The following CTCF variants were observed in gnomAD, a reference collection of about 807,000 sequenced individuals.
The protein encoded by CTCF is CCCTC-binding factor.
In CTCF, 7 loss-of-function variants were observed where a neutral mutation model predicts 72.3. The ratio of observed to expected loss-of-function variants is 0.10; its 90% CI spans 0.06 to 0.18. The LOEUF is 0.18. Among genes scored for constraint, CTCF ranks in the 10% least tolerant of loss-of-function variants. The pLI, the probability that CTCF is intolerant of heterozygous loss-of-function variation, is 1.00. For missense variants in CTCF, 516 were observed against 949.1 expected, an observed-to-expected ratio of 0.54 and a Z score of 6.00; for synonymous variants, 374 against 315.8, an observed-to-expected ratio of 1.18 and a Z score of -1.95.
chr16:67,638,542 G>T lies in CTCF; in HGVS notation c.*670G>T. ...AAATTAAGTTACCACAGACTCTGTA[G>T]TGTGTAAATGTTGACAAGGAATTGG... On this transcript the variant is annotated 3_prime_UTR_variant, in exon 12 of 12. Coordinates refer to ENST00000264010, the MANE Select transcript of CTCF (RefSeq NM_006565.4). 1 of 230,050 alleles carries T rather than the reference G, an allele frequency of 4.3e-6. No homozygotes were observed. The highest frequency in any genetic ancestry group is 8.6e-6 in the Non-Finnish European group (1 of 115,662). 14.3% of individuals were successfully genotyped at this position (230,050 alleles called of 1,614,324 possible).
intron 11 of CTCF, 143 bp downstream of exon 11, chr16:67,636,994 G>T (rs753433494): frequency 1.3e-4 from 93 of 715,174 alleles, no homozygotes; most frequent in Non-Finnish European, 1.6e-4. Context: ...CTCAGGAAAT[G>T]GCTTTTTAGG....
At chr16:67,616,989 G>A in intron 5 of CTCF, 111 bp downstream of exon 5, 7 of 1,090,406 alleles carry the variant, frequency 6.4e-6, no homozygotes, top group Non-Finnish European at 9.6e-6. Context: ...AAAAATGTTA[G>A]TAAATTATTA....
chr16:67,572,308 G>A (rs1045081958), intron 2 of CTCF, among the ~76,000 whole-genome samples: 1 of 152,178 alleles, frequency 6.6e-6, no homozygotes, highest in African/African-American at 2.4e-5. Flanking sequence ...GGTTCTTTTA[G>A]GAGTGTTGAC....
chr16:67,621,716 CACTT>C (rs2052201122), intron 7 of CTCF, 125 bp downstream of exon 7: 2 of 508,516 alleles, frequency 3.9e-6, no homozygotes, highest in Non-Finnish European at 6.6e-6. Context: ...AATGGCCTGT[CACTT>C]AGTTTAGTAA....
At chr16:67,611,728 G>C in intron 3 of CTCF, 115 bp downstream of exon 3, 1 of 1,106,338 alleles carries the variant, frequency 9.0e-7, no homozygotes, top group Non-Finnish European at 1.3e-6. Flanking sequence ...CGTTATGTGG[G>C]TACCGTTCTT....
At chr16:67,598,631 T>C (rs1391294634) in intron 2 of CTCF, among the ~76,000 whole-genome samples, 1 of 152,218 alleles carries the variant, frequency 6.6e-6, no homozygotes, top group Non-Finnish European at 1.5e-5. Context: ...GAAGAAAAGC[T>C]TTTCCAAGTA....
chr16:67,623,598 G>A lies in CTCF; in HGVS notation c.1357+2007G>A, dbSNP rs572987116. On this transcript the variant is annotated intron_variant, in intron 7 of 11. Coordinates refer to ENST00000264010, the MANE Select transcript of CTCF (RefSeq NM_006565.4). ...TGCAACGAGCCGAGATCGTGCCACT[G>A]CACTCCAGCTTGGGTGACAGAGAGA... 6.0e-5 allele frequency among the ~76,000 whole-genome samples: 9 copies of A among 151,054 alleles called. No homozygotes were observed. In the South Asian group the frequency reaches 1.5e-3, roughly 25 times the overall value.
chr16:67,567,345 A>G (rs575897632), intron 1 of CTCF, among the ~76,000 whole-genome samples: 2 of 152,282 alleles, frequency 1.3e-5, no homozygotes, highest in South Asian at 4.1e-4. Flanking sequence ...TGGAATTTTC[A>G]GGGGTAGAAA....
chr16:67,593,172 T>C (rs2051768874), intron 2 of CTCF, among the ~76,000 whole-genome samples: 1 of 151,864 alleles, frequency 6.6e-6, no homozygotes, highest in Admixed American at 6.6e-5. Flanking sequence ...TCTTCTGTTC[T>C]CTTAAAATTT....
chr16:67,603,685 C>T (rs1024699488), intron 2 of CTCF, among the ~76,000 whole-genome samples: 2 of 148,052 alleles, frequency 1.4e-5, no homozygotes, highest in African/African-American at 2.5e-5. Flanking sequence ...ATTAGCCGGG[C>T]GTGGTGACAG....
chr16:67,612,268 G>A, intron 4 of CTCF, 147 bp downstream of exon 4: 1 of 670,278 alleles, frequency 1.5e-6, no homozygotes, highest in Non-Finnish European at 2.4e-6. Context: ...TTTATTGTAA[G>A]CACTTGGACT....
intron 2 of CTCF, among the ~76,000 whole-genome samples, chr16:67,594,329 AGCCTTGATTGTGCCACT>A (rs982004053): frequency 1.3e-5 from 2 of 149,454 alleles, no homozygotes; most frequent in African/African-American, 4.9e-5. Flanking sequence ...GGCTGTAGTG[AGCCTTGATTGTGCCACT>A]GCACTCCAGC....
chr16:67,609,329 G>C (rs1004272917), intron 2 of CTCF, among the ~76,000 whole-genome samples: 8 of 152,156 alleles, frequency 5.3e-5, no homozygotes, highest in African/African-American at 7.2e-5. Context: ...TATTCATGTT[G>C]TATAATAGAT....
At chr16:67,595,698 C>G (rs1296459977) in intron 2 of CTCF, among the ~76,000 whole-genome samples, 1 of 152,122 alleles carries the variant, frequency 6.6e-6, no homozygotes, top group Non-Finnish European at 1.5e-5. Flanking sequence ...TAGCATATCT[C>G]ACCCCAGGTC....
At chr16:67,576,845 G>T (rs1188327052) in intron 2 of CTCF, among the ~76,000 whole-genome samples, 2 of 152,034 alleles carry the variant, frequency 1.3e-5, no homozygotes, top group African/African-American at 4.8e-5. Flanking sequence ...ATAGAATGTT[G>T]TGTAGCCATT....
At chr16:67,566,711 G>A (rs1374843727) in intron 1 of CTCF, among the ~76,000 whole-genome samples, 1 of 150,994 alleles carries the variant, frequency 6.6e-6, no homozygotes, top group Non-Finnish European at 1.5e-5. Flanking sequence ...CGAGTAGCTG[G>A]GAGGACTACA....
At chr16:67,614,656 T>C (rs2052107530) in intron 4 of CTCF, 1 of 152,184 alleles carries the variant, frequency 6.6e-6, no homozygotes, top group Admixed American at 6.6e-5. Context: ...AAGACTAGCC[T>C]GACCAACATG....
Position 67,630,660 on chromosome 16 carries a change from T to C in CTCF, c.1837+1127T>C, listed in dbSNP as rs1597728249. Among the ~76,000 whole-genome samples, 4 of 151,810 alleles carry C rather than the reference T, an allele frequency of 2.6e-5. No homozygotes were observed. In the South Asian group the frequency reaches 6.3e-4, roughly 24 times the overall value. On this transcript the variant is annotated intron_variant, in intron 10 of 11. Coordinates refer to ENST00000264010, the MANE Select transcript of CTCF (RefSeq NM_006565.4). Reference sequence around the variant, plus strand: ...GTCCCAGCTACTCGAGAGGCTGAGGTGGGAGAATCACCTGAGCCCGGGAAA... The same window carrying C: ...GTCCCAGCTACTCGAGAGGCTGAGGCGGGAGAATCACCTGAGCCCGGGAAA...
At chr16:67,585,310 A>G (rs2051654937) in intron 2 of CTCF, among the ~76,000 whole-genome samples, 1 of 152,212 alleles carries the variant, frequency 6.6e-6, no homozygotes, top group African/African-American at 2.4e-5. Context: ...TTGGCCTCCC[A>G]AAGTGCTGGG....
Sources: allele counts gnomAD v4.1 joint callset (sites outside exome capture counted in the v4.1 genomes callset), GRCh38; gene constraint gnomAD v4.1.1; transcripts MANE v1.5; gene names NCBI Gene and HGNC (gene_info 2026-07-23, HGNC 2026-07-21).